The following TLN2 variants were observed in gnomAD, a reference collection of about 807,000 sequenced individuals.
TLN2 encodes the protein talin-2.
A neutral mutation model predicts 294.7 loss-of-function variants in TLN2; 118 were observed. The observed-to-expected ratio is 0.40, with a 90% CI of 0.34 to 0.47. The LOEUF is 0.47. TLN2 is among the 20% of genes least tolerant of loss of function. TLN2 has a pLI of 0.84. For synonymous variants in TLN2, 1,431 were observed against 1,304.5 expected, an observed-to-expected ratio of 1.10 and a Z score of -2.09; for missense variants, 3,083 against 3,282.2, an observed-to-expected ratio of 0.94 and a Z score of 1.48.
intron 51 of TLN2, 28 bp downstream of exon 51, chr15:62,805,813 G>A (rs1567646320): frequency 2.5e-6 from 4 of 1,600,738 alleles, no homozygotes; most frequent in Non-Finnish European, 2.6e-6. Context: ...GTTTTGGATG[G>A]ACAGATGATT....
chr15:62,530,759 T>C (rs903943334), intron 1 of TLN2, among the ~76,000 whole-genome samples: 1 of 152,250 alleles, frequency 6.6e-6, no homozygotes, highest in Non-Finnish European at 1.5e-5. Flanking sequence ...ACCTACACTG[T>C]TGTACTTTCT....
intron 1 of TLN2, among the ~76,000 whole-genome samples, chr15:62,463,348 T>G (rs1243835684): frequency 6.6e-6 from 1 of 152,198 alleles, no homozygotes; most frequent in South Asian, 2.1e-4. Flanking sequence ...GAACCGTTGT[T>G]GTTAATTGAC....
chr15:62,439,056 A>G (rs1268100831), intron 1 of TLN2, among the ~76,000 whole-genome samples: 1 of 152,242 alleles, frequency 6.6e-6, no homozygotes, highest in Non-Finnish European at 1.5e-5. Context: ...TTGTAAATAT[A>G]TGCATTATAT....
intron 11 of TLN2, 95 bp downstream of exon 11, chr15:62,675,416 C>G: frequency 7.9e-7 from 1 of 1,266,648 alleles, no homozygotes; most frequent in Non-Finnish European, 1.1e-6. Flanking sequence ...TCCTGCTCAC[C>G]CCCCTAGCAT....
At position 62,713,271 on chromosome 15, in the gene TLN2, C is replaced by CAAA. The variant is rs541064329; in HGVS notation, c.2634+1210_2634+1212dup. On this transcript the variant is annotated intron_variant, in intron 22 of 58. Coordinates refer to ENST00000636159, the MANE Select transcript of TLN2 (RefSeq NM_015059.3). Reference sequence around the variant, plus strand: ...GGGTGACAAGAGCAAACCTGCGTCTCAAAAAAAAAAAAAAAAAACAAAAAA... The same window carrying CAAA: ...GGGTGACAAGAGCAAACCTGCGTCTCAAAAAAAAAAAAAAAAAAAAACAAAAAA... Among the ~76,000 whole-genome samples the CAAA allele has an allele frequency of 1.1e-3, 118 of 111,270 alleles. 5 individuals carry two copies. The highest frequency in any genetic ancestry group is 1.7e-3 in the Admixed American group (16 of 9,638). The allele number at this position is 111,270 out of a possible 152,430, so 73.0% of individuals were successfully genotyped here.
chr15:62,685,142 A>G (rs2057172055), intron 11 of TLN2, among the ~76,000 whole-genome samples: 1 of 152,070 alleles, frequency 6.6e-6, no homozygotes, highest in African/African-American at 2.4e-5. Flanking sequence ...TGCCTTTTTC[A>G]TGTAATGGAC....
intron 1 of TLN2, among the ~76,000 whole-genome samples, chr15:62,528,907 A>G (rs1467840696): frequency 6.6e-6 from 1 of 152,026 alleles, no homozygotes; most frequent in African/African-American, 2.4e-5. Context: ...CATCTGTCCC[A>G]TTTGGTTTTG....
chr15:62,410,810 T>C (rs1037735637), intron 1 of TLN2, among the ~76,000 whole-genome samples: 1 of 152,204 alleles, frequency 6.6e-6, no homozygotes, highest in African/African-American at 2.4e-5. Flanking sequence ...AAGGGGCTTG[T>C]TCAAGTACGG....
At chr15:62,584,307 C>G (rs1403879045) in intron 1 of TLN2, among the ~76,000 whole-genome samples, 1 of 152,186 alleles carries the variant, frequency 6.6e-6, no homozygotes, top group Non-Finnish European at 1.5e-5. Flanking sequence ...CTTTTGCCCC[C>G]TTTATACTGA....
chr15:62,752,015 C>G (rs1212799894), intron 34 of TLN2, among the ~76,000 whole-genome samples: 1 of 152,174 alleles, frequency 6.6e-6, no homozygotes, highest in East Asian at 1.9e-4. Flanking sequence ...TCAGTTTAGA[C>G]CATTCACCCA....
intron 1 of TLN2, among the ~76,000 whole-genome samples, chr15:62,415,725 G>T (rs781566732): frequency 3.9e-5 from 6 of 152,202 alleles, no homozygotes; most frequent in Non-Finnish European, 8.8e-5. Flanking sequence ...GTGGGCTCAC[G>T]GTCGCTGGGT....
chr15:62,598,684 A>G (rs2140770379), intron 2 of TLN2, among the ~76,000 whole-genome samples: 1 of 151,670 alleles, frequency 6.6e-6, no homozygotes, highest in Non-Finnish European at 1.5e-5. Context: ...GTTATTTTGG[A>G]AGGAAATTTA....
chr15:62,574,633 T>C (rs115142522), intron 1 of TLN2, among the ~76,000 whole-genome samples: 3,266 of 142,608 alleles, frequency 0.023, 182 homozygotes, highest in African/African-American at 0.082. Context: ...TATTTCCTTT[T>C]GTGTGTGTAA....
rs2070588161 is a variant in TLN2 at position 62,840,770 on chromosome 15, C to T, written c.*160C>T. The T allele has an allele frequency of 9.9e-7, 1 of 1,005,208 alleles. No homozygotes were observed. Among genetic ancestry groups the T allele is most frequent in the African/African-American group, 1.6e-5 (1 of 61,146 alleles). The allele number at this position is 1,005,208 out of a possible 1,614,324, so 62.3% of individuals were successfully genotyped here. ...TTCTCACATCTCTGTCCCGTCGGCA[C>T]TGGCTGCATGATCGTGATGTCACAC... On this transcript the variant is annotated 3_prime_UTR_variant, in exon 59 of 59. Coordinates refer to ENST00000636159, the MANE Select transcript of TLN2 (RefSeq NM_015059.3).
At chr15:62,394,999 A>G (rs2032415271) in intron 1 of TLN2, among the ~76,000 whole-genome samples, 1 of 152,176 alleles carries the variant, frequency 6.6e-6, no homozygotes, top group African/African-American at 2.4e-5. Flanking sequence ...CTGTTCTGAA[A>G]ATGTAGAACA....
chr15:62,817,524 C>A (rs946138962), intron 52 of TLN2, among the ~76,000 whole-genome samples: 4 of 152,186 alleles, frequency 2.6e-5, no homozygotes, highest in African/African-American at 9.6e-5. Context: ...ATTGACTAAT[C>A]CATTTGTGCG....
chr15:62,437,566 G>A (rs1401553354), intron 1 of TLN2, among the ~76,000 whole-genome samples: 2 of 152,062 alleles, frequency 1.3e-5, no homozygotes, highest in African/African-American at 4.8e-5. Flanking sequence ...CTGCCCCTAG[G>A]TGTTTGTTGG....
chr15:62,841,537 G>C lies in TLN2; in HGVS notation c.*927G>C, dbSNP rs142260971. On this transcript the variant is annotated 3_prime_UTR_variant, in exon 59 of 59. Coordinates refer to ENST00000636159, the MANE Select transcript of TLN2 (RefSeq NM_015059.3). ...TGCCTTCAGAATGGTCACAAGCCCGGATTGGAAAGGATCTGCTTACAAACC... is the reference window on the plus strand; with the variant it reads ...TGCCTTCAGAATGGTCACAAGCCCGCATTGGAAAGGATCTGCTTACAAACC... 7.2e-5 allele frequency: 11 copies of C among 152,274 alleles called. No homozygotes were observed. The East Asian group carries it at 2.1e-3, about 29-fold the overall frequency. 9.4% of individuals were successfully genotyped at this position (152,274 alleles called of 1,614,324 possible).
intron 45 of TLN2, among the ~76,000 whole-genome samples, chr15:62,791,695 T>A (rs2065087449): frequency 6.6e-6 from 1 of 152,242 alleles, no homozygotes; most frequent in Non-Finnish European, 1.5e-5. Context: ...CCATAGCTTC[T>A]AGCTCTTGTA....
Sources: allele counts gnomAD v4.1 joint callset (sites outside exome capture counted in the v4.1 genomes callset), GRCh38; gene constraint gnomAD v4.1.1; transcripts MANE v1.5; gene names NCBI Gene and HGNC (gene_info 2026-07-23, HGNC 2026-07-21).